FRMD3: variants seen among roughly 807,000 people sequenced by gnomAD.
FRMD3 encodes the protein FERM domain containing 3, also known as FERM domain-containing protein 3.
A neutral mutation model predicts 70.2 loss-of-function variants in FRMD3; 33 were observed. That is an observed-to-expected ratio of 0.47 (90% confidence interval 0.36 to 0.63). The LOEUF (loss-of-function observed/expected upper bound fraction) is 0.63, where lower values mean the gene tolerates loss of function less well. Ranked by LOEUF, FRMD3 falls within the 20% of genes least tolerant of loss-of-function variation. The pLI is 0.00. For synonymous variants in FRMD3, 279 were observed against 255.9 expected (o/e 1.09, Z -0.86); for missense variants, 632 against 711.4 (o/e 0.89, Z 1.27).
chr9:83,255,979 T>C (rs1341047562), intron 13 of FRMD3, among the ~76,000 whole-genome samples: 1 of 152,162 alleles, frequency 6.6e-6, no homozygotes, highest in African/African-American at 2.4e-5. Flanking sequence ...GCTATTCCCA[T>C]TGAACTACCA....
the FRMD3 span, among the ~76,000 whole-genome samples, chr9:83,555,529 C>A: frequency 1.3e-5 from 2 of 152,198 alleles, no homozygotes; most frequent in African/African-American, 4.8e-5. Context: ...TCCCCCTCCC[C>A]CTAGGAGATC....
intron 1 of FRMD3, among the ~76,000 whole-genome samples, chr9:83,518,325 A>C (rs1349713775): frequency 6.6e-6 from 1 of 152,226 alleles, no homozygotes; most frequent in Non-Finnish European, 1.5e-5. Flanking sequence ...AAAGATCACA[A>C]GCATTCCTAT....
chr9:83,572,214 A>G, the FRMD3 span, among the ~76,000 whole-genome samples: 1 of 152,082 alleles, frequency 6.6e-6, no homozygotes. Flanking sequence ...GTAACAGCAC[A>G]TTTGTAGTCT....
intron 1 of FRMD3, among the ~76,000 whole-genome samples, chr9:83,473,866 A>G (rs1175346417): frequency 6.6e-6 from 1 of 152,204 alleles, no homozygotes; most frequent in Non-Finnish European, 1.5e-5. Flanking sequence ...AAATAAATAA[A>G]TTGGGGCAGA....
chr9:83,268,938 A>C (rs1833407560), intron 13 of FRMD3, among the ~76,000 whole-genome samples: 1 of 152,242 alleles, frequency 6.6e-6, no homozygotes, highest in South Asian at 2.1e-4. Context: ...TATAATTCTG[A>C]GCAGAATCCC....
intron 3 of FRMD3, among the ~76,000 whole-genome samples, chr9:83,355,243 T>C (rs565334642): frequency 6.6e-6 from 1 of 152,332 alleles, no homozygotes; most frequent in South Asian, 2.1e-4. Flanking sequence ...GATCCTTCTC[T>C]GTGCCAAACA....
chr9:83,451,464 G>A (rs1827655161), intron 1 of FRMD3, among the ~76,000 whole-genome samples: 1 of 150,996 alleles, frequency 6.6e-6, no homozygotes, highest in Middle Eastern at 3.2e-3. Flanking sequence ...TATTTTAATG[G>A]GCAGCAATGA....
At chr9:83,531,734 A>T (rs1416474836) in intron 1 of FRMD3, among the ~76,000 whole-genome samples, 2 of 152,222 alleles carry the variant, frequency 1.3e-5, no homozygotes, top group Admixed American at 6.5e-5. Context: ...TATCATTCCC[A>T]TTTCAACAGA....
chr9:83,565,212 G>C, the FRMD3 span, among the ~76,000 whole-genome samples: 8 of 152,268 alleles, frequency 5.3e-5, no homozygotes, highest in East Asian at 1.5e-3. Flanking sequence ...TGATCTGGAA[G>C]TAAGGGGCAG....
intron 1 of FRMD3, among the ~76,000 whole-genome samples, chr9:83,479,108 G>C (rs1385485663): frequency 6.6e-6 from 1 of 151,890 alleles, no homozygotes; most frequent in Non-Finnish European, 1.5e-5. Context: ...CTAGGAACTA[G>C]GCACACACAG....
the FRMD3 span, among the ~76,000 whole-genome samples, chr9:83,579,411 C>T: frequency 6.6e-6 from 1 of 151,842 alleles, no homozygotes; most frequent in Non-Finnish European, 1.5e-5. Context: ...ATCAAAACAG[C>T]ATGGTAATGG....
intron 6 of FRMD3, chr9:83,331,986 T>C: frequency 1.5e-6 from 1 of 685,124 alleles, no homozygotes; most frequent in South Asian, 1.6e-5. Flanking sequence ...CTCTTTTCCT[T>C]GTGGCTCAAC....
chr9:83,365,563 T>C (rs1234789539), intron 3 of FRMD3, among the ~76,000 whole-genome samples: 2 of 147,432 alleles, frequency 1.4e-5, no homozygotes, highest in African/African-American at 5.4e-5. Flanking sequence ...GGAAGGCAAG[T>C]GGAGAGATTT....
intron 12 of FRMD3, among the ~76,000 whole-genome samples, chr9:83,293,802 C>T (rs1363293658): frequency 6.6e-6 from 1 of 152,214 alleles, no homozygotes; most frequent in South Asian, 2.1e-4. Context: ...GACCAGGTGA[C>T]TCCTGCAGTG....
upstream of FRMD3, among the ~76,000 whole-genome samples, chr9:83,538,776 G>C (rs889442663): frequency 6.6e-6 from 1 of 152,170 alleles, no homozygotes; most frequent in African/African-American, 2.4e-5. This position sits in a 1 kb window ranked among gnomAD's most constrained non-coding sequence, Gnocchi z 4.7. Context: ...GCTCGACAGC[G>C]CCCTGCTCTG....
At chr9:83,418,522 A>G (rs1029110498) in intron 1 of FRMD3, among the ~76,000 whole-genome samples, 3 of 152,244 alleles carry the variant, frequency 2.0e-5, no homozygotes, top group African/African-American at 7.2e-5. Context: ...AACGTATGAA[A>G]AAAATGCTCA....
At chr9:83,528,780 G>A (rs529562019) in intron 1 of FRMD3, among the ~76,000 whole-genome samples, 188 of 152,050 alleles carry the variant, frequency 1.2e-3, no homozygotes, top group African/African-American at 4.3e-3. Context: ...TGCTCACTTC[G>A]GCCTCCCAAA....
At chr9:83,500,502 G>GCGCA (rs1367435493) in intron 1 of FRMD3, among the ~76,000 whole-genome samples, 50 of 143,818 alleles carry the variant, frequency 3.5e-4, no homozygotes, top group African/African-American at 1.0e-3. Flanking sequence ...GTGTATGCGC[G>GCGCA]CACACACACA....
At chr9:83,469,900 T>G (rs1828227044) in intron 1 of FRMD3, among the ~76,000 whole-genome samples, 1 of 152,212 alleles carries the variant, frequency 6.6e-6, no homozygotes, top group Non-Finnish European at 1.5e-5. Context: ...CCACTAGTTC[T>G]CAAACTCTTA....
Sources: gnomAD v4.1 joint callset for allele counts (sites outside exome capture counted in the v4.1 genomes callset) on GRCh38, gnomAD v4.1.1 for gene constraint, Gnocchi (gnomAD v3.1) non-coding constraint, MANE v1.5 for transcripts, NCBI Gene and HGNC (gene_info 2026-07-23, HGNC 2026-07-21) for gene names.